The following OR51M1 variants were observed in gnomAD, a reference collection of about 807,000 sequenced individuals.
OR51M1 encodes olfactory receptor 51M1.
For synonymous variants in OR51M1, 199 were observed against 155.1 expected, an observed-to-expected ratio of 1.28 and a Z score of -2.10; for missense variants, 509 against 404.4, an observed-to-expected ratio of 1.26 and a Z score of -2.22.
intron 1 of OR51M1, among the ~76,000 whole-genome samples, chr11:5,385,050 G>C (rs1849665148): frequency 6.6e-6 from 1 of 152,180 alleles, no homozygotes; most frequent in Admixed American, 6.5e-5. Flanking sequence ...AGAATATTTA[G>C]ACACAGGTGA....
chr11:5,386,548 T>C (rs1303075160), intron 2 of OR51M1, among the ~76,000 whole-genome samples: 2 of 152,176 alleles, frequency 1.3e-5, no homozygotes, highest in African/African-American at 4.8e-5. Flanking sequence ...ACAGATCTTT[T>C]ACAAGTTTGA....
intron 2 of OR51M1, among the ~76,000 whole-genome samples, chr11:5,386,413 T>A (rs933598330): frequency 2.6e-5 from 4 of 152,186 alleles, no homozygotes; most frequent in African/African-American, 9.7e-5. Flanking sequence ...TTGTTTACCT[T>A]TTTGTAGTTT....
chr11:5,384,081 A>C (rs1184641837), intron 1 of OR51M1, among the ~76,000 whole-genome samples, 164 bp downstream of exon 1: 1 of 152,122 alleles, frequency 6.6e-6, no homozygotes, highest in Non-Finnish European at 1.5e-5. Context: ...TTTTCCCCCA[A>C]ATGTTTGAAT....
At chr11:5,385,583 T>C (rs1417973780) in intron 2 of OR51M1, 125 bp downstream of exon 2, 2 of 152,172 alleles carry the variant, frequency 1.3e-5, no homozygotes, top group Non-Finnish European at 1.5e-5. Context: ...TCTAATCAAC[T>C]TAAAAAATGA....
rs758655110 is a variant in OR51M1 at position 5,389,523 on chromosome 11, CCT to C, written c.126_127del (p.Phe44LeufsTer18). 3 of 1,613,858 alleles carry C rather than the reference CCT, an allele frequency of 1.9e-6. No individual in the cohort carries two copies. Among genetic ancestry groups the C allele is most frequent in the Admixed American group, 1.7e-5 (1 of 59,996 alleles). ...GGCATCAAACACTGGATTTTCATCC[CCT>C]TTTTCTTTATGTACATGGTTGCCAT... On this transcript the variant is annotated frameshift_variant, in exon 3 of 3. Coordinates refer to ENST00000642046, the MANE Select transcript of OR51M1 (RefSeq NM_001004756.3). LOFTEE classifies it low-confidence loss of function (END_TRUNC).
rs1378587002 is a variant in OR51M1, at chr11:5,392,048, G to A, written c.*1669G>A. On this transcript the variant is annotated 3_prime_UTR_variant, in exon 3 of 3. Transcript: ENST00000642046. ...CACACTACTGCCTGGGTGACCAAGTGAGACCCCGATTCAAAAATAAAAAGG... is the reference window on the plus strand; with the variant it reads ...CACACTACTGCCTGGGTGACCAAGTAAGACCCCGATTCAAAAATAAAAAGG... 6.6e-6 allele frequency: 1 copy of A among 151,268 alleles called. No homozygotes were observed. Among genetic ancestry groups the A allele is most frequent in the Non-Finnish European group, 1.5e-5 (1 of 67,896 alleles). 9.4% of individuals were successfully genotyped at this position (151,268 alleles called of 1,614,324 possible).
In OR51M1 at chr11:5,391,530, T is replaced by G. The variant is rs1211465345; in HGVS notation, c.*1151T>G. 1 of 152,218 alleles carries G rather than the reference T, an allele frequency of 6.6e-6. No individual in the cohort carries two copies. The highest frequency in any genetic ancestry group is 1.5e-5 in the Non-Finnish European group (1 of 68,044). 9.4% of individuals were successfully genotyped at this position (152,218 alleles called of 1,614,324 possible). A position where few individuals can be genotyped will look rare whatever the true frequency, so the allele number is the denominator to read the frequency against. ...CCATATACTCAATAAATATTAAATG[T>G]ATGCGTGGACATATAGATACATAAA... On this transcript the variant is annotated 3_prime_UTR_variant, in exon 3 of 3. Coordinates refer to ENST00000642046, the MANE Select transcript of OR51M1 (RefSeq NM_001004756.3).
In OR51M1 at chr11:5,385,331, C is replaced by T. The variant is rs1335623522; in HGVS notation, c.-121-22C>T. The T allele has an allele frequency of 2.6e-5, 4 of 152,136 alleles. 1 individual carries two copies. The highest frequency in any genetic ancestry group is 6.5e-5 in the Admixed American group (1 of 15,276). 9.4% of individuals were successfully genotyped at this position (152,136 alleles called of 1,614,324 possible). On this transcript the variant is annotated intron_variant, in intron 1 of 2. Transcript: ENST00000642046. Reference sequence around the variant, plus strand: ...TACTTTCCAAGAGAAATAATCCCAGCCCTGTCATTGTCTCTGTATAGACAT... The same window carrying T: ...TACTTTCCAAGAGAAATAATCCCAGTCCTGTCATTGTCTCTGTATAGACAT...
chr11:5,389,539 C>G lies in OR51M1; in HGVS notation c.141C>G (p.Tyr47Ter), dbSNP rs182074434. Residue 47 changes from tyrosine (Y) to a stop codon, truncating the protein, a stop_gained, in exon 3 of 3, where the codon TAC becomes TAG. Transcript: ENST00000642046. LOFTEE classifies it low-confidence loss of function (END_TRUNC). ...HWIFIPFFFM[Y>*]MVAISGNCFI... ...TTTTCATCCCCTTTTTCTTTATGTA[C>G]ATGGTTGCCATCTCAGGCAATTGTT... is the stretch of plus-strand genomic sequence containing the variant. The G allele has an allele frequency of 1.8e-3, 2,847 of 1,613,916 alleles. 7 individuals are homozygous for G. Among genetic ancestry groups the G allele is most frequent in the Non-Finnish European group, 1.9e-3 (2,295 of 1,179,870 alleles).
chr11:5,384,141 ATTTT>A (rs915073091), intron 1 of OR51M1, among the ~76,000 whole-genome samples: 1 of 151,426 alleles, frequency 6.6e-6, no homozygotes, highest in Admixed American at 6.6e-5. Context: ...GCCTAATGGG[ATTTT>A]TTTTTCTTTG....
rs892297175 is a variant in OR51M1, at chr11:5,388,589, C to T, written c.-15-795C>T. Among the ~76,000 whole-genome samples, 5 of 148,422 alleles carry T rather than the reference C, an allele frequency of 3.4e-5. No individual in the cohort carries two copies. In the Admixed American group the frequency reaches 3.4e-4, roughly 10 times the overall value. On this transcript the variant is annotated intron_variant, in intron 2 of 2. Transcript: ENST00000642046. ...TGGAAGAATTGTTTAGTGTCATTAA[C>T]ACCGTGAATATACAGAGGAAATTAG...
At chr11:5,388,157 T>C (rs1476253351) in intron 2 of OR51M1, among the ~76,000 whole-genome samples, 1 of 152,122 alleles carries the variant, frequency 6.6e-6, no homozygotes, top group East Asian at 1.9e-4. Flanking sequence ...TAATGATACA[T>C]ATTTAATAAT....
In OR51M1 at chr11:5,389,794, T is replaced by G; in HGVS notation, c.396T>G (p.Phe132Leu). ...MESSVLLMMSFDRLVAICHPL... is the reference protein window; with the variant it reads ...MESSVLLMMSLDRLVAICHPL... ...CCTCAGTGCTCCTCATGATGTCCTT[T>G]GACCGCCTTGTGGCCATCTGCCACC... Residue 132 changes from phenylalanine (F) to leucine (L), a missense_variant, in exon 3 of 3, where the codon TTT (phenylalanine) becomes TTG (leucine). By Grantham distance (22) the Phe-to-Leu change is conservative. Coordinates refer to ENST00000642046, the MANE Select transcript of OR51M1 (RefSeq NM_001004756.3). 6.2e-7 allele frequency: 1 copy of G among 1,614,038 alleles called. No homozygotes were observed. The highest frequency in any genetic ancestry group is 8.5e-7 in the Non-Finnish European group (1 of 1,179,920).
intron 2 of OR51M1, among the ~76,000 whole-genome samples, chr11:5,388,010 C>T (rs1007887348): frequency 2.6e-5 from 4 of 152,002 alleles, no homozygotes; most frequent in African/African-American, 4.8e-5. Flanking sequence ...TGGTAAAAAC[C>T]ACAATTACTT....
chr11:5,389,551 C>G lies in OR51M1; in HGVS notation c.153C>G (p.Ile51Met). ...TTTTCTTTATGTACATGGTTGCCAT[C>G]TCAGGCAATTGTTTCATTCTGATCA... The part of the protein sequence containing the change: ...IPFFFMYMVA[I>M]SGNCFILIII... Residue 51 changes from isoleucine (I) to methionine (M), a missense_variant, in exon 3 of 3, where the codon ATC becomes ATG. By Grantham distance (10) the Ile-to-Met change is conservative. Transcript: ENST00000642046. 1 of 1,613,960 alleles carries G rather than the reference C, an allele frequency of 6.2e-7. No individual in the cohort carries two copies. The highest frequency in any genetic ancestry group is 2.2e-5 in the East Asian group (1 of 44,878).
chr11:5,384,096 T>G (rs1362803395), intron 1 of OR51M1, among the ~76,000 whole-genome samples, 179 bp downstream of exon 1: 1 of 152,200 alleles, frequency 6.6e-6, no homozygotes, highest in East Asian at 1.9e-4. Flanking sequence ...TTGAATGTCC[T>G]TAGCCAAATG....
Position 5,389,894 on chromosome 11 carries a change from G to C in OR51M1, c.496G>C (p.Val166Leu), listed in dbSNP as rs1226572862. 3 of 1,612,344 alleles carry C rather than the reference G, an allele frequency of 1.9e-6. No homozygotes were observed. Among genetic ancestry groups the C allele is most frequent in the Non-Finnish European group, 1.7e-6 (2 of 1,179,888 alleles). ...CCTAATTGTCATCTTCCGGGGACCTGTGGCCACTATCCCTATTGTCCTCCT... is the reference window on the plus strand; with the variant it reads ...CCTAATTGTCATCTTCCGGGGACCTCTGGCCACTATCCCTATTGTCCTCCT... ...AGLIVIFRGP[V>L]ATIPIVLLLK... Residue 166 changes from valine to leucine, a missense_variant, in exon 3 of 3, where the codon GTG (valine) becomes CTG (leucine). Physicochemically the swap from Val to Leu is conservative, Grantham distance 32. Coordinates refer to ENST00000642046, the MANE Select transcript of OR51M1 (RefSeq NM_001004756.3).
Position 5,387,558 on chromosome 11 carries a change from C to T in OR51M1, c.-15-1826C>T, listed in dbSNP as rs180771670. On this transcript the variant is annotated intron_variant, in intron 2 of 2. Coordinates refer to ENST00000642046, the MANE Select transcript of OR51M1 (RefSeq NM_001004756.3). ...GTATAATAAAATTCAAAGTAGCTTG[C>T]GTGACCTGCAAGATCATACATGACG... 3.0e-4 allele frequency among the ~76,000 whole-genome samples: 45 copies of T among 152,154 alleles called. 1 individual carries two copies. In the South Asian group the frequency reaches 7.9e-3, roughly 27 times the overall value.
chr11:5,390,336 G>C lies in OR51M1; in HGVS notation c.938G>C (p.Arg313Pro), dbSNP rs112693558. The part of the protein sequence containing the change: ...IYSIKTKEIH[R>P]AIIKFLGLKK... ...AGCATTAAGACCAAGGAGATCCACC[G>C]TGCCATTATCAAGTTCCTAGGTCTT... is the stretch of plus-strand genomic sequence containing the variant. The change falls in exon 3 of 3, where the codon CGT becomes CCT. Residue 313 changes from arginine (R) to proline (P), a missense_variant. Arg to Pro is a moderately radical substitution (Grantham distance 103, BLOSUM62 -2). Coordinates refer to ENST00000642046, the MANE Select transcript of OR51M1 (RefSeq NM_001004756.3). The C allele has an allele frequency of 6.2e-7, 1 of 1,611,896 alleles. No homozygotes were observed. The highest frequency in any genetic ancestry group is 1.7e-4 in the Middle Eastern group (1 of 6,058).
Sources: gnomAD v4.1 joint callset for allele counts (sites outside exome capture counted in the v4.1 genomes callset) on GRCh38, gnomAD v4.1.1 for gene constraint, MANE v1.5 for transcripts, NCBI Gene and HGNC (gene_info 2026-07-23, HGNC 2026-07-21) for gene names.